The following PADI1 variants were observed in gnomAD, a reference collection of about 807,000 sequenced individuals.
The protein encoded by PADI1 is peptidyl arginine deiminase 1.
In PADI1, 65 loss-of-function variants were observed where a neutral mutation model predicts 74.8. The ratio of observed to expected loss-of-function variants is 0.87; its 90% CI spans 0.71 to 1.07. The LOEUF is 1.07. Among genes scored for constraint, PADI1 ranks in the 50% least tolerant of loss-of-function variants. PADI1 has a pLI of 0.00. For missense variants in PADI1, 943 were observed against 854.0 expected (o/e 1.10, Z -1.30); for synonymous variants, 371 against 336.2 (o/e 1.10, Z -1.13).
intron 1 of PADI1, among the ~76,000 whole-genome samples, chr1:17,219,905 TC>T (rs1159119871): frequency 1.3e-5 from 2 of 151,860 alleles, no homozygotes; most frequent in Non-Finnish European, 2.9e-5. Context: ...CAGTACAAGA[TC>T]AAGGAAACTG....
intron 1 of PADI1, among the ~76,000 whole-genome samples, chr1:17,214,074 T>C (rs1009671788): frequency 6.6e-6 from 1 of 152,220 alleles, no homozygotes; most frequent in African/African-American, 2.4e-5. Flanking sequence ...GGTTTCTGGC[T>C]GGAGTGAGTT....
At chr1:17,214,739 C>T (rs527713928) in intron 1 of PADI1, among the ~76,000 whole-genome samples, 10 of 152,332 alleles carry the variant, frequency 6.6e-5, no homozygotes, top group Admixed American at 5.2e-4. Flanking sequence ...GCCTGTCACA[C>T]CTCCCAAGGG....
At position 17,239,784 on chromosome 1, in the gene PADI1, G is replaced by A. The variant is rs965971643; in HGVS notation, c.1632+1G>A. 2 of 1,610,664 alleles carry A rather than the reference G, an allele frequency of 1.2e-6. No homozygotes were observed. Among genetic ancestry groups the A allele is most frequent in the Middle Eastern group, 1.7e-4 (1 of 6,048 alleles). On this transcript the variant is annotated splice_donor_variant, in intron 14 of 15. Transcript: ENST00000375471. LOFTEE classifies it high-confidence loss of function. ...CCAGAGAGACAATCTTCATGCACAG[G>A]TGAGAGGCAGGACCACCAGCTGCTC...
intron 13 of PADI1, 117 bp from the exon 14 acceptor site, chr1:17,239,587 T>G (rs1393649660): frequency 4.0e-6 from 3 of 755,834 alleles, no homozygotes; most frequent in Admixed American, 4.1e-5. Flanking sequence ...CTGTCCTGGC[T>G]TCTGACCCTG....
At chr1:17,209,161 G>A (rs16823615) in intron 1 of PADI1, among the ~76,000 whole-genome samples, 1 of 152,134 alleles carries the variant, frequency 6.6e-6, no homozygotes, top group African/African-American at 2.4e-5. Flanking sequence ...CTTTTAACTC[G>A]CACAGAAGAA....
At position 17,229,011 on chromosome 1, in the gene PADI1, ACGC is replaced by A; in HGVS notation, c.891_893del (p.Pro298del). On this transcript the variant is annotated inframe_deletion, in exon 8 of 16. Coordinates refer to ENST00000375471, the MANE Select transcript of PADI1 (RefSeq NM_013358.3). ...CTTCCGCATGGCCCCCTGGATCATG[ACGC>A]CCAACACTCAGCCTCCTGAGGAGCT... 1 of 1,590,196 alleles carries A rather than the reference ACGC, an allele frequency of 6.3e-7. No homozygotes were observed. The highest frequency in any genetic ancestry group is 8.6e-7 in the Non-Finnish European group (1 of 1,167,406).
intron 6 of PADI1, among the ~76,000 whole-genome samples, chr1:17,227,562 TA>T (rs1557468454): frequency 8.5e-4 from 129 of 151,516 alleles, no homozygotes; most frequent in African/African-American, 2.5e-3. Context: ...AATAAATAAA[TA>T]AATAAATAAA....
chr1:17,235,165 A>G (rs546256290), intron 11 of PADI1, among the ~76,000 whole-genome samples: 2,880 of 133,590 alleles, frequency 0.022, 47 homozygotes, highest in Middle Eastern at 0.046. Context: ...GGGAGGGAGG[A>G]AGGGAAGGAA....
At chr1:17,205,721 A>T (rs2071664703) in intron 1 of PADI1, among the ~76,000 whole-genome samples, 1 of 152,140 alleles carries the variant, frequency 6.6e-6, no homozygotes, top group Non-Finnish European at 1.5e-5. Context: ...TTTGAGGTGA[A>T]GGGACGTGTG....
chr1:17,228,991 G>A lies in PADI1; in HGVS notation c.869G>A (p.Arg290His), dbSNP rs778452294. ...CTCTTCACAGACACTGTGGGCTTCC[G>A]CATGGCCCCCTGGATCATGACGCCC... The part of the protein sequence containing the change: ...VTLFTDTVGF[R>H]MAPWIMTPNT... Residue 290 changes from arginine (R) to histidine (H), a missense_variant, in exon 8 of 16, where the codon CGC becomes CAC. Transcript: ENST00000375471. 19 of 1,597,138 alleles carry A rather than the reference G, an allele frequency of 1.2e-5. No homozygotes were observed. Among genetic ancestry groups the A allele is most frequent in the African/African-American group, 2.7e-5 (2 of 74,606 alleles).
Position 17,217,838 on chromosome 1 carries a change from C to T in PADI1, c.93-4452C>T, listed in dbSNP as rs2072021140. On this transcript the variant is annotated intron_variant, in intron 1 of 15. Coordinates refer to ENST00000375471, the MANE Select transcript of PADI1 (RefSeq NM_013358.3). ...ATCGTTTTATCAAATGCCTAGAGTT[C>T]AGAAAGTGATGGAGACAGGTTAACA... Among the ~76,000 whole-genome samples, 4 of 152,138 alleles carry T rather than the reference C, an allele frequency of 2.6e-5. No homozygotes were observed. The South Asian group carries it at 8.3e-4, about 32-fold the overall frequency.
At chr1:17,240,554 C>A in intron 14 of PADI1, 81 bp from the exon 15 acceptor site, 1 of 1,513,934 alleles carries the variant, frequency 6.6e-7, no homozygotes, top group Non-Finnish European at 9.0e-7. Context: ...GAGGGCTCCA[C>A]ACGGGCCCAG....
At chr1:17,220,080 G>T (rs1252682421) in intron 1 of PADI1, among the ~76,000 whole-genome samples, 1 of 152,022 alleles carries the variant, frequency 6.6e-6, no homozygotes, top group African/African-American at 2.4e-5. Flanking sequence ...AAGGTGCGAG[G>T]ACCCCCAAAA....
Position 17,224,374 on chromosome 1 carries a change from C to T in PADI1, c.354C>T (p.Ser118=), listed in dbSNP as rs1308969751. 1 of 1,613,734 alleles carries T rather than the reference C, an allele frequency of 6.2e-7. No homozygotes were observed. Among genetic ancestry groups the T allele is most frequent in the South Asian group, 1.1e-5 (1 of 91,020 alleles). The part of the protein sequence containing the change: ...SVLYLTGVDI[S]LEVDTGRTGK... ...CTCTCCATCTCTTTGCAGATATTTC[C>T]CTTGAGGTTGACACAGGCCGCACAG... The change falls in exon 4 of 16, where the codon TCC becomes TCT. Residue 118 remains serine (S), a synonymous_variant. Transcript: ENST00000375471.
rs541351980 is a variant in PADI1, at chr1:17,228,487, G to A, written c.653-138G>A. ...AGAGAGGTTGAGTCATTGAGCTAAG[G>A]CCATGCAGCTTGCACGTGGCAGAGC... On this transcript the variant is annotated intron_variant, in intron 6 of 15. Coordinates refer to ENST00000375471, the MANE Select transcript of PADI1 (RefSeq NM_013358.3). 113 of 792,264 alleles carry A rather than the reference G, an allele frequency of 1.4e-4. No individual in the cohort carries two copies. In the South Asian group the frequency reaches 1.6e-3, roughly 11 times the overall value. The allele number at this position is 792,264 out of a possible 1,614,324, so 49.1% of individuals were successfully genotyped here.
intron 4 of PADI1, among the ~76,000 whole-genome samples, chr1:17,224,896 T>C (rs2100458147): frequency 6.7e-6 from 1 of 149,738 alleles, no homozygotes; most frequent in South Asian, 2.1e-4. Context: ...ACAGGAACTA[T>C]CTGGAAGCTG....
chr1:17,228,617 C>G lies in PADI1; in HGVS notation c.653-8C>G. 1 of 1,614,090 alleles carries G rather than the reference C, an allele frequency of 6.2e-7. No individual in the cohort carries two copies. The highest frequency in any genetic ancestry group is 8.5e-7 in the Non-Finnish European group (1 of 1,179,954). On this transcript the variant is annotated splice_polypyrimidine_tract_variant and splice_region_variant and intron_variant, in intron 6 of 15. Coordinates refer to ENST00000375471, the MANE Select transcript of PADI1 (RefSeq NM_013358.3). ...TCCTCGCTAGCCCCTGACTCTTGTT[C>G]TTCCTAGGTGGGAATTCTCTCTCGG...
At chr1:17,210,206 A>G (rs2071797827) in intron 1 of PADI1, among the ~76,000 whole-genome samples, 1 of 151,694 alleles carries the variant, frequency 6.6e-6, no homozygotes, top group Non-Finnish European at 1.5e-5. Context: ...CACCCAGGCT[A>G]GGGTGCAGTG....
At chr1:17,221,796 C>G (rs1221545195) in intron 1 of PADI1, among the ~76,000 whole-genome samples, 1 of 152,160 alleles carries the variant, frequency 6.6e-6, no homozygotes, top group African/African-American at 2.4e-5. Flanking sequence ...GGCAGGGGCG[C>G]ATCAGAAGGG....
Sources: gnomAD v4.1 joint callset for allele counts (sites outside exome capture counted in the v4.1 genomes callset) on GRCh38, gnomAD v4.1.1 for gene constraint, MANE v1.5 for transcripts, NCBI Gene and HGNC (gene_info 2026-07-23, HGNC 2026-07-21) for gene names.